The following CHODL variants were observed in gnomAD, a reference collection of about 807,000 sequenced individuals.
CHODL encodes the protein chondrolectin, also known as transmembrane protein MT75.
CHODL carries 29 observed loss-of-function variants against 34.5 expected under a neutral mutation model. That is an observed-to-expected ratio of 0.84 (90% confidence interval 0.63 to 1.15). The LOEUF (loss-of-function observed/expected upper bound fraction) is 1.15. CHODL is among the 50% of genes most tolerant of loss of function. The probability of loss-of-function intolerance (pLI) is 0.00; values close to 1 mark genes in which losing one functional copy is unlikely to be tolerated. For missense variants in CHODL, 332 were observed against 332.5 expected, an observed-to-expected ratio of 1.00 and a Z score of 0.01; for synonymous variants, 125 against 116.1, an observed-to-expected ratio of 1.08 and a Z score of -0.49.
chr21:18,031,967 G>T (rs1318953934), intron 2 of CHODL, among the ~76,000 whole-genome samples: 1 of 151,892 alleles, frequency 6.6e-6, no homozygotes. Context: ...TGATTTTTTG[G>T]CACTGCCTGT....
At chr21:18,104,383 G>A (rs2065250044) in intron 2 of CHODL, among the ~76,000 whole-genome samples, 1 of 152,108 alleles carries the variant, frequency 6.6e-6, no homozygotes, top group Non-Finnish European at 1.5e-5. Context: ...TGTCTTGTGA[G>A]GAAGATGCCT....
intron 2 of CHODL, among the ~76,000 whole-genome samples, chr21:18,145,232 C>T (rs541891655): frequency 7.0e-4 from 89 of 126,306 alleles, no homozygotes; most frequent in African/African-American, 2.3e-3. Context: ...GTCAGGAGAT[C>T]GAGACCATCC....
chr21:17,996,595 GA>G (rs1464862720), intron 1 of CHODL, among the ~76,000 whole-genome samples: 5 of 152,200 alleles, frequency 3.3e-5, no homozygotes, highest in African/African-American at 9.7e-5. Context: ...GGACTCTCCG[GA>G]AAATCATCTC....
At chr21:18,105,346 C>T (rs117235452) in intron 2 of CHODL, among the ~76,000 whole-genome samples, 2,123 of 152,300 alleles carry the variant, frequency 0.014, 14 homozygotes, top group Non-Finnish European at 0.022. Context: ...TGCTTTGTTG[C>T]AGGATTTTAT....
intron 2 of CHODL, among the ~76,000 whole-genome samples, chr21:18,236,002 A>G (rs2074025365): frequency 6.6e-6 from 1 of 152,132 alleles, no homozygotes; most frequent in Non-Finnish European, 1.5e-5. Flanking sequence ...TCTGAATCTC[A>G]GAAGTCTTCT....
intron 2 of CHODL, among the ~76,000 whole-genome samples, chr21:18,108,692 A>T (rs983357407): frequency 6.6e-6 from 1 of 152,206 alleles, no homozygotes; most frequent in Non-Finnish European, 1.5e-5. Context: ...AAATTTGGTC[A>T]TTCCACTGGA....
intron 1 of CHODL, among the ~76,000 whole-genome samples, chr21:17,974,363 C>T (rs2063644235): frequency 6.6e-6 from 1 of 151,964 alleles, no homozygotes; most frequent in South Asian, 2.1e-4. Flanking sequence ...ACCTCCGCCT[C>T]CTGGGTTCAA....
At chr21:18,151,380 T>C (rs1026996293) in intron 2 of CHODL, among the ~76,000 whole-genome samples, 2 of 152,282 alleles carry the variant, frequency 1.3e-5, no homozygotes, top group African/African-American at 4.8e-5. Context: ...GGCTTCTATA[T>C]AGCTGGACAC....
chr21:18,128,339 A>AAAG (rs1436319679), intron 2 of CHODL, among the ~76,000 whole-genome samples: 4,202 of 122,166 alleles, frequency 0.034, 133 homozygotes, highest in Middle Eastern at 0.059. Context: ...AAAAAAAAAA[A>AAAG]AAGAAGAAGA....
intron 2 of CHODL, among the ~76,000 whole-genome samples, chr21:18,233,235 G>C (rs142277391): frequency 6.6e-6 from 1 of 151,804 alleles, no homozygotes; most frequent in East Asian, 1.9e-4. Context: ...GTCTTTCCGT[G>C]CCTGGCTTAT....
chr21:18,017,796 T>A lies in CHODL; in HGVS notation c.-144-10076T>A, dbSNP rs2064089508. Among the ~76,000 whole-genome samples, 4 of 152,138 alleles carry A rather than the reference T, an allele frequency of 2.6e-5. No homozygotes were observed. In the South Asian group the frequency reaches 6.2e-4, roughly 24 times the overall value. On this transcript the variant is annotated intron_variant, in intron 1 of 6. Transcript: ENST00000400127. ...ACCTTCCAGAACCCAGAATGATAGATCTACTCACAGCTTGCACCCTGCACC... is the reference window on the plus strand; with the variant it reads ...ACCTTCCAGAACCCAGAATGATAGAACTACTCACAGCTTGCACCCTGCACC...
At chr21:18,148,654 C>T (rs771175729) in intron 2 of CHODL, among the ~76,000 whole-genome samples, 15 of 152,058 alleles carry the variant, frequency 9.9e-5, no homozygotes, top group Non-Finnish European at 1.9e-4. Flanking sequence ...CTCCATGATT[C>T]CTTCCTTATA....
intron 2 of CHODL, among the ~76,000 whole-genome samples, chr21:18,089,584 A>T (rs1408286758): frequency 1.3e-5 from 2 of 152,200 alleles, no homozygotes; most frequent in Admixed American, 1.3e-4. Context: ...AAACATATGG[A>T]TGCATTTTAT....
At chr21:18,029,197 T>C (rs761132229) in intron 2 of CHODL, among the ~76,000 whole-genome samples, 3 of 152,152 alleles carry the variant, frequency 2.0e-5, no homozygotes, top group Non-Finnish European at 4.4e-5. Flanking sequence ...AATCTCAGCT[T>C]TAAATAGCAT....
intron 2 of CHODL, among the ~76,000 whole-genome samples, chr21:18,215,112 G>A (rs78950451): frequency 6.6e-6 from 1 of 151,706 alleles, no homozygotes; most frequent in African/African-American, 2.4e-5. Flanking sequence ...CAGCCGTCTT[G>A]CCTCATAATT....
intron 2 of CHODL, among the ~76,000 whole-genome samples, chr21:18,234,247 T>C (rs971958451): frequency 6.6e-6 from 1 of 152,134 alleles, no homozygotes; most frequent in Non-Finnish European, 1.5e-5. Context: ...CGGATGAATG[T>C]AGCCTATTCC....
intron 2 of CHODL, among the ~76,000 whole-genome samples, chr21:18,131,143 CAG>C (rs983990745): frequency 1.3e-5 from 2 of 151,552 alleles, no homozygotes; most frequent in Admixed American, 6.6e-5. Flanking sequence ...GAGAGAGAGA[CAG>C]AGAGAGCAGA....
At chr21:18,098,171 C>T (rs867477891) in intron 2 of CHODL, among the ~76,000 whole-genome samples, 1 of 151,944 alleles carries the variant, frequency 6.6e-6, no homozygotes, top group South Asian at 2.1e-4. Context: ...TTGAGTAATA[C>T]CCCACAAGCA....
intron 1 of CHODL, among the ~76,000 whole-genome samples, chr21:18,000,802 A>G (rs764622994): frequency 6.6e-6 from 1 of 152,194 alleles, no homozygotes; most frequent in Non-Finnish European, 1.5e-5. Flanking sequence ...ATAAATACTC[A>G]TATTAATTAT....
Sources: allele counts gnomAD v4.1 joint callset (sites outside exome capture counted in the v4.1 genomes callset), GRCh38; gene constraint gnomAD v4.1.1; transcripts MANE v1.5; gene names NCBI Gene and HGNC (gene_info 2026-07-23, HGNC 2026-07-21).